The following ARHGEF4 variants were observed in gnomAD, a reference collection of about 807,000 sequenced individuals.
ARHGEF4 encodes the protein Rho guanine nucleotide exchange factor 4.
A neutral mutation model predicts 162.0 loss-of-function variants in ARHGEF4; 119 were observed. That is an observed-to-expected ratio of 0.73 (90% CI 0.63 to 0.86). The LOEUF is 0.86. ARHGEF4 is among the 40% of genes least tolerant of loss of function. The probability of loss-of-function intolerance (pLI) is 0.00; values close to 1 mark genes in which losing one functional copy is unlikely to be tolerated. For synonymous variants in ARHGEF4, 1,014 were observed against 979.9 expected (o/e 1.03, Z -0.65); for missense variants, 2,488 against 2,456.0 (o/e 1.01, Z -0.28).
chr2:130,846,915 A>T (rs577644928), intron 1 of ARHGEF4, among the ~76,000 whole-genome samples: 1 of 152,260 alleles, frequency 6.6e-6, no homozygotes, highest in African/African-American at 2.4e-5. Flanking sequence ...TAGCAGGAGA[A>T]TCAGGGCCTG....
intron 5 of ARHGEF4, among the ~76,000 whole-genome samples, chr2:131,031,515 G>A (rs1659752260): frequency 6.6e-6 from 1 of 152,240 alleles, no homozygotes; most frequent in African/African-American, 2.4e-5. Flanking sequence ...AGTCCTGCCT[G>A]CAGGGAGCTG....
At chr2:130,913,918 C>T in intron 1 of ARHGEF4, 68 bp from the exon 2 acceptor site, 1 of 1,512,628 alleles carries the variant, frequency 6.6e-7, no homozygotes, top group Non-Finnish European at 8.8e-7. Context: ...CAAAGGCAGG[C>T]ACGGTGTAAA....
At chr2:130,954,098 G>A (rs558291871) in intron 4 of ARHGEF4, among the ~76,000 whole-genome samples, 4 of 152,324 alleles carry the variant, frequency 2.6e-5, no homozygotes, top group African/African-American at 9.6e-5. Context: ...AAAGACACGT[G>A]CACATGTATG....
intron 2 of ARHGEF4, among the ~76,000 whole-genome samples, chr2:130,918,048 C>T (rs906238467): frequency 2.0e-5 from 3 of 151,670 alleles, no homozygotes; most frequent in African/African-American, 7.3e-5. Context: ...TCTTGAACTC[C>T]TGACCTCGTG....
chr2:130,844,824 GTA>G (rs1049657755), intron 1 of ARHGEF4, among the ~76,000 whole-genome samples: 43 of 150,668 alleles, frequency 2.9e-4, no homozygotes, highest in African/African-American at 1.1e-3. Context: ...ATATATATAT[GTA>G]TATATATATA....
chr2:131,012,216 A>C (rs1688497966), intron 4 of ARHGEF4, among the ~76,000 whole-genome samples: 1 of 151,824 alleles, frequency 6.6e-6, no homozygotes, highest in East Asian at 1.9e-4. Context: ...CCAGGGCAGG[A>C]GAGGTGTGGA....
At chr2:131,024,795 A>G (rs925052007) in intron 4 of ARHGEF4, among the ~76,000 whole-genome samples, 7 of 152,088 alleles carry the variant, frequency 4.6e-5, no homozygotes, top group African/African-American at 1.4e-4. Flanking sequence ...GAATTAGATG[A>G]TGAAACAAAA....
intron 1 of ARHGEF4, among the ~76,000 whole-genome samples, chr2:130,848,017 C>T (rs1269138475): frequency 4.6e-5 from 7 of 152,194 alleles, no homozygotes; most frequent in African/African-American, 1.2e-4. Context: ...GAGGGAGCCA[C>T]GTGGTTGCAG....
chr2:130,937,841 G>T (rs561280066), intron 3 of ARHGEF4, among the ~76,000 whole-genome samples: 6 of 152,052 alleles, frequency 3.9e-5, no homozygotes, highest in African/African-American at 1.4e-4. Context: ...CTAATTTTTT[G>T]TATTTTTAGT....
At chr2:130,949,024 A>G (rs750341581) in intron 4 of ARHGEF4, among the ~76,000 whole-genome samples, 4 of 152,176 alleles carry the variant, frequency 2.6e-5, no homozygotes, top group Non-Finnish European at 4.4e-5. Flanking sequence ...GGAATCTGTC[A>G]TCATTCTCAT....
intron 4 of ARHGEF4, among the ~76,000 whole-genome samples, chr2:131,008,431 TATTCTC>T (rs1363132644): frequency 6.6e-6 from 1 of 152,034 alleles, no homozygotes; most frequent in Non-Finnish European, 1.5e-5. Flanking sequence ...ACAAAGTAGA[TATTCTC>T]ATGCAACCAA....
intron 4 of ARHGEF4, among the ~76,000 whole-genome samples, chr2:130,982,615 T>TCC (rs1205740556): frequency 3.5e-5 from 1 of 28,970 alleles, no homozygotes; most frequent in Middle Eastern, 0.042. Context: ...TCCTCCTCCT[T>TCC]TCTTCTTTTC....
At position 131,046,470 on chromosome 2, in the gene ARHGEF4, C is replaced by T. The variant is rs1691274713; in HGVS notation, c.*281C>T. ...CCCTCTGGACCTGTGTAGGGCCTCA[C>T]TGCTGGAGCGGGGAAACCGCAGCTC... On this transcript the variant is annotated 3_prime_UTR_variant, in exon 14 of 14. Coordinates refer to ENST00000409359, the MANE Select transcript of ARHGEF4 (RefSeq NM_001367493.1). The T allele has an allele frequency of 2.6e-6, 1 of 389,164 alleles. No individual in the cohort carries two copies. The highest frequency in any genetic ancestry group is 2.1e-5 in the African/African-American group (1 of 48,692). The allele number at this position is 389,164 out of a possible 1,614,324, so 24.1% of individuals were successfully genotyped here. A position where few individuals can be genotyped will look rare whatever the true frequency, so the allele number is the denominator to read the frequency against.
chr2:130,931,270 C>A lies in ARHGEF4; in HGVS notation c.3858+13C>A. ...AGATGGAGTCAAGGTAAGCCACTCC[C>A]GGCCAGGAGTCCTCAGACTTGGTCT... is the stretch of plus-strand genomic sequence containing the variant. On this transcript the variant is annotated intron_variant, in intron 3 of 13. Transcript: ENST00000409359. 1 of 1,586,282 alleles carries A rather than the reference C, an allele frequency of 6.3e-7. No homozygotes were observed. The highest frequency in any genetic ancestry group is 1.1e-5 in the South Asian group (1 of 87,266).
chr2:130,899,607 T>A (rs955616801), intron 1 of ARHGEF4, among the ~76,000 whole-genome samples: 5 of 152,110 alleles, frequency 3.3e-5, no homozygotes, highest in Non-Finnish European at 5.9e-5. Context: ...CGCCAAAGAC[T>A]CTAAGCAGGT....
rs1681378552 is a variant in ARHGEF4 at position 130,914,636 on chromosome 2, C to G, written c.690C>G (p.Phe230Leu). Reference protein sequence around the residue: ...SYLGIPVVWPFLLWCCELGRS... With the variant: ...SYLGIPVVWPLLLWCCELGRS... ...TGGGCATCCCAGTGGTCTGGCCCTT[C>G]CTTCTCTGGTGCTGTGAACTGGGTC... Residue 230 changes from phenylalanine (F) to leucine (L), a missense_variant, in exon 2 of 14, where the codon TTC becomes TTG. Transcript: ENST00000409359. The G allele has an allele frequency of 3.6e-6, 5 of 1,389,794 alleles. No homozygotes were observed. In the East Asian group the frequency reaches 1.3e-4, roughly 36 times the overall value. 86.1% of individuals were successfully genotyped at this position (1,389,794 alleles called of 1,614,324 possible). A position where few individuals can be genotyped will look rare whatever the true frequency, so the allele number is the denominator to read the frequency against.
In ARHGEF4 at chr2:130,996,179, C is replaced by T. The variant is rs999701491; in HGVS notation, c.3986-31766C>T. On this transcript the variant is annotated intron_variant, in intron 4 of 13. Transcript: ENST00000409359. ...CTGGGATTACAGGCATGAGCCACCA[C>T]GCCCAGCCTATTCAGCCTTTCAACC... is the stretch of plus-strand genomic sequence containing the variant. 2.1e-4 allele frequency among the ~76,000 whole-genome samples: 32 copies of T among 152,240 alleles called. 1 individual carries two copies. Among genetic ancestry groups the T allele is most frequent in the African/African-American group, 6.0e-4 (25 of 41,550 alleles).
At position 130,870,676 on chromosome 2, in the gene ARHGEF4, G is replaced by A. The variant is rs570185512; in HGVS notation, c.39+33684G>A. ...TCTTCCATCCCTGGGGAGGGGAAGGGAACTCACTTTGGGGGTGCTCCTTAT... is the reference window on the plus strand; with the variant it reads ...TCTTCCATCCCTGGGGAGGGGAAGGAAACTCACTTTGGGGGTGCTCCTTAT... On this transcript the variant is annotated intron_variant, in intron 1 of 13. Transcript: ENST00000409359. 2.6e-4 allele frequency among the ~76,000 whole-genome samples: 40 copies of A among 152,290 alleles called. 1 individual carries two copies. Among genetic ancestry groups the A allele is most frequent in the Non-Finnish European group, 5.0e-4 (34 of 68,022 alleles).
At chr2:130,896,904 A>G (rs967273398) in intron 1 of ARHGEF4, among the ~76,000 whole-genome samples, 3 of 152,116 alleles carry the variant, frequency 2.0e-5, no homozygotes. Context: ...AATAGTGAGC[A>G]TCATCATCCA....
Sources: gnomAD v4.1 joint callset for allele counts (sites outside exome capture counted in the v4.1 genomes callset) on GRCh38, gnomAD v4.1.1 for gene constraint, MANE v1.5 for transcripts, NCBI Gene and HGNC (gene_info 2026-07-23, HGNC 2026-07-21) for gene names.